Variants in KATNIP observed in about 807,000 individuals in gnomAD.
KATNIP encodes katanin interacting protein, also known as katanin-interacting protein.
KATNIP carries 126 observed loss-of-function variants against 174.0 expected under a neutral mutation model. The observed-to-expected ratio is 0.72, with a 90% CI of 0.63 to 0.84. The LOEUF is 0.84. Ranked by LOEUF, KATNIP falls within the 40% of genes least tolerant of loss-of-function variation. The pLI is 0.00. For missense variants in KATNIP, 1,958 were observed against 2,109.7 expected (o/e 0.93, Z 1.41); for synonymous variants, 810 against 835.7 (o/e 0.97, Z 0.53).
intron 1 of KATNIP, among the ~76,000 whole-genome samples, chr16:27,568,686 A>G (rs1176786560): frequency 6.6e-6 from 1 of 151,918 alleles, no homozygotes; most frequent in African/African-American, 2.4e-5. Context: ...GATGGTCTCA[A>G]TCTCTTGACC....
At chr16:27,652,599 G>A (rs1483408903) in intron 6 of KATNIP, among the ~76,000 whole-genome samples, 4 of 152,116 alleles carry the variant, frequency 2.6e-5, no homozygotes, top group Non-Finnish European at 5.9e-5. Context: ...GGTCGCTTAA[G>A]ATCAGGGGTT....
chr16:27,694,839 G>T (rs2078861405), intron 8 of KATNIP, among the ~76,000 whole-genome samples: 1 of 151,804 alleles, frequency 6.6e-6, no homozygotes, highest in Non-Finnish European at 1.5e-5. Context: ...ATCCAGCCTA[G>T]ACTCTCTCAA....
intron 15 of KATNIP, among the ~76,000 whole-genome samples, chr16:27,746,557 C>T (rs930495592): frequency 1.3e-5 from 2 of 152,248 alleles, no homozygotes; most frequent in East Asian, 3.9e-4. Flanking sequence ...GTGTCCATCC[C>T]TTCACTGGCA....
At chr16:27,648,015 C>G (rs1336904284) in intron 5 of KATNIP, among the ~76,000 whole-genome samples, 1 of 152,142 alleles carries the variant, frequency 6.6e-6, no homozygotes, top group Admixed American at 6.5e-5. Context: ...TTCCAACCGA[C>G]TGGGCATAGT....
chr16:27,622,465 G>A (rs762356078), intron 3 of KATNIP, among the ~76,000 whole-genome samples: 4 of 152,090 alleles, frequency 2.6e-5, no homozygotes, highest in Non-Finnish European at 4.4e-5. Context: ...TTCATAAAAG[G>A]GCAGGCGGAG....
chr16:27,724,072 A>G (rs1793312451), intron 14 of KATNIP, among the ~76,000 whole-genome samples: 1 of 152,214 alleles, frequency 6.6e-6, no homozygotes, highest in African/African-American at 2.4e-5. Context: ...TAAACTTGAG[A>G]AAAAGAAGGC....
intron 5 of KATNIP, among the ~76,000 whole-genome samples, chr16:27,645,105 C>A (rs1020673202): frequency 6.6e-6 from 1 of 152,224 alleles, no homozygotes; most frequent in Non-Finnish European, 1.5e-5. Flanking sequence ...GTGGCAGTTT[C>A]TCTGGTTCAC....
At chr16:27,610,032 G>T (rs1039808559) in intron 2 of KATNIP, among the ~76,000 whole-genome samples, 1 of 152,148 alleles carries the variant, frequency 6.6e-6, no homozygotes, top group Non-Finnish European at 1.5e-5. Context: ...GAGGAGGAGT[G>T]GGGTAGTGGG....
intron 2 of KATNIP, among the ~76,000 whole-genome samples, chr16:27,616,887 T>TAAAAAAAAAA (rs556687403): frequency 3.2e-5 from 1 of 31,384 alleles, no homozygotes; most frequent in African/African-American, 1.3e-4. Flanking sequence ...CCATCTCTAC[T>TAAAAAAAAAA]AAAAAAAAAA....
At chr16:27,615,417 T>A (rs1238370610) in intron 2 of KATNIP, among the ~76,000 whole-genome samples, 1 of 151,762 alleles carries the variant, frequency 6.6e-6, no homozygotes. Flanking sequence ...TGCAATGGTG[T>A]GATCTCAGCT....
At chr16:27,632,036 G>A (rs1424054359) in intron 5 of KATNIP, among the ~76,000 whole-genome samples, 1 of 152,218 alleles carries the variant, frequency 6.6e-6, no homozygotes, top group Non-Finnish European at 1.5e-5. Flanking sequence ...GAAAAGTTCA[G>A]TGAGTTTTCC....
At chr16:27,705,855 T>A (rs1253101312) in intron 12 of KATNIP, among the ~76,000 whole-genome samples, 1 of 151,958 alleles carries the variant, frequency 6.6e-6, no homozygotes, top group African/African-American at 2.4e-5. Flanking sequence ...TTTAAAAAAA[T>A]TTTGTAGAGA....
Position 27,557,996 on chromosome 16 carries a change from C to T in KATNIP, c.7+7819C>T, listed in dbSNP as rs114013989. On this transcript the variant is annotated intron_variant, in intron 1 of 27. Transcript: ENST00000261588. ...TTTGCCCTTTAAGAGGGAGGTGGGC[C>T]TGTCTAATGACTGGCTTCTCTCATT... Among the ~76,000 whole-genome samples, 1,505 of 152,264 alleles carry T rather than the reference C, an allele frequency of 9.9e-3. 38 individuals are homozygous for T. Among genetic ancestry groups the T allele is most frequent in the African/African-American group, 0.034 (1,417 of 41,530 alleles).
intron 12 of KATNIP, among the ~76,000 whole-genome samples, chr16:27,705,682 T>C (rs1302845655): frequency 6.6e-6 from 1 of 151,988 alleles, no homozygotes; most frequent in Admixed American, 6.6e-5. Flanking sequence ...TTTAATTAAT[T>C]AATTAATTTT....
intron 13 of KATNIP, among the ~76,000 whole-genome samples, chr16:27,710,415 A>AT (rs1355957019): frequency 6.6e-6 from 1 of 152,112 alleles, no homozygotes; most frequent in Non-Finnish European, 1.5e-5. Flanking sequence ...GGGTACTGGC[A>AT]TTTTTTCCTT....
At chr16:27,600,829 A>T (rs2075498645) in intron 2 of KATNIP, among the ~76,000 whole-genome samples, 1 of 151,710 alleles carries the variant, frequency 6.6e-6, no homozygotes, top group African/African-American at 2.4e-5. Flanking sequence ...TCCCAGATTC[A>T]AGCGATTCTC....
chr16:27,602,541 C>T lies in KATNIP; in HGVS notation c.64-15884C>T, dbSNP rs1161537467. 3.3e-5 allele frequency among the ~76,000 whole-genome samples: 5 copies of T among 152,216 alleles called. No homozygotes were observed. In the East Asian group the frequency reaches 9.6e-4, roughly 29 times the overall value. On this transcript the variant is annotated intron_variant, in intron 2 of 27. Transcript: ENST00000261588. Reference sequence around the variant, plus strand: ...GTAACTGCCCAACGGGTTCATTCTGCCTGCTGCCCAGATACAGCCAATTTA... The same window carrying T: ...GTAACTGCCCAACGGGTTCATTCTGTCTGCTGCCCAGATACAGCCAATTTA...
chr16:27,746,865 G>C (rs1319634335), intron 15 of KATNIP, among the ~76,000 whole-genome samples: 1 of 152,220 alleles, frequency 6.6e-6, no homozygotes, highest in Non-Finnish European at 1.5e-5. Flanking sequence ...GGCATGGTAA[G>C]AGTCAGGTTG....
intron 3 of KATNIP, among the ~76,000 whole-genome samples, chr16:27,622,951 G>A (rs532423697): frequency 2.6e-5 from 4 of 152,050 alleles, no homozygotes; most frequent in Admixed American, 6.6e-5. Context: ...AATGAGCTCC[G>A]TCCTCCACAC....
Sources: gnomAD v4.1 joint callset for allele counts (sites outside exome capture counted in the v4.1 genomes callset) on GRCh38, gnomAD v4.1.1 for gene constraint, MANE v1.5 for transcripts, NCBI Gene and HGNC (gene_info 2026-07-23, HGNC 2026-07-21) for gene names.